Variants in EPHA6 observed in about 807,000 individuals in gnomAD.
The protein encoded by EPHA6 is EPH receptor A6.
A neutral mutation model predicts 112.0 loss-of-function variants in EPHA6; 50 were observed. That is an observed-to-expected ratio of 0.45 (90% CI 0.36 to 0.56). The LOEUF is 0.56. Among genes scored for constraint, EPHA6 ranks in the 20% least tolerant of loss-of-function variants. The probability of loss-of-function intolerance (pLI) is 0.00; values close to 1 mark genes in which losing one functional copy is unlikely to be tolerated. For missense variants in EPHA6, 1,280 were observed against 1,417.4 expected, an observed-to-expected ratio of 0.90 and a Z score of 1.56; for synonymous variants, 529 against 490.7, an observed-to-expected ratio of 1.08 and a Z score of -1.03.
intron 12 of EPHA6, among the ~76,000 whole-genome samples, chr3:97,605,439 G>A (rs2093673700): frequency 6.6e-6 from 1 of 151,644 alleles, no homozygotes; most frequent in Non-Finnish European, 1.5e-5. Flanking sequence ...ATGGTGAAAA[G>A]TAGGAGTCCA....
At chr3:96,887,497 G>T (rs992356804) in intron 2 of EPHA6, among the ~76,000 whole-genome samples, 1 of 152,184 alleles carries the variant, frequency 6.6e-6, no homozygotes, top group Non-Finnish European at 1.5e-5. Context: ...TGGCCAGGGA[G>T]CAGGGGTGCA....
chr3:97,405,333 T>C, intron 6 of EPHA6, 59 bp downstream of exon 6: 1 of 1,436,244 alleles, frequency 7.0e-7, no homozygotes, highest in East Asian at 2.4e-5. Context: ...TATGTATATA[T>C]TGAGCATGTC....
At chr3:97,542,464 T>A (rs1408527967) in intron 11 of EPHA6, among the ~76,000 whole-genome samples, 5 of 152,224 alleles carry the variant, frequency 3.3e-5, no homozygotes, top group African/African-American at 1.2e-4. Flanking sequence ...ATGGTGTATA[T>A]GTGCCACATT....
intron 3 of EPHA6, among the ~76,000 whole-genome samples, chr3:97,178,256 T>A (rs1184597160): frequency 6.6e-6 from 1 of 152,108 alleles, no homozygotes; most frequent in East Asian, 1.9e-4. Context: ...TTTATCACAC[T>A]GCTTTTTAAT....
intron 15 of EPHA6, among the ~76,000 whole-genome samples, chr3:97,729,175 CT>C (rs1353120855): frequency 6.6e-6 from 1 of 151,916 alleles, no homozygotes; most frequent in African/African-American, 2.4e-5. Context: ...ACTGTAACGC[CT>C]TTTTTCTATA....
At chr3:97,375,649 T>A (rs1370311899) in intron 5 of EPHA6, among the ~76,000 whole-genome samples, 1 of 152,116 alleles carries the variant, frequency 6.6e-6, no homozygotes, top group Non-Finnish European at 1.5e-5. Context: ...AATGTATATA[T>A]CATGTAAATA....
At chr3:96,956,948 G>A (rs373749778) in intron 2 of EPHA6, among the ~76,000 whole-genome samples, 11 of 151,498 alleles carry the variant, frequency 7.3e-5, no homozygotes, top group South Asian at 4.2e-4. Flanking sequence ...CAGGAGAATC[G>A]CTTGAACCCA....
intron 4 of EPHA6, among the ~76,000 whole-genome samples, chr3:97,242,387 C>T (rs975384786): frequency 2.6e-5 from 4 of 151,810 alleles, no homozygotes; most frequent in African/African-American, 9.7e-5. Flanking sequence ...TTTTCCCACC[C>T]CTCTGCATAT....
intron 4 of EPHA6, among the ~76,000 whole-genome samples, chr3:97,229,004 C>T (rs1002280710): frequency 6.6e-6 from 1 of 152,064 alleles, no homozygotes; most frequent in Non-Finnish European, 1.5e-5. Flanking sequence ...TGTCTGTTGG[C>T]AGTTTGTGTA....
rs1277153393 is a variant in EPHA6, at chr3:97,448,646, A to C, written c.1810A>C (p.Lys604Gln). 2 of 1,613,590 alleles carry C rather than the reference A, an allele frequency of 1.2e-6. No individual in the cohort carries two copies. The highest frequency in any genetic ancestry group is 2.2e-5 in the South Asian group (2 of 91,084). The stretch of plus-strand genomic sequence containing the variant: ...CATCACAGGTCTTAAGCCAGCCACC[A>C]AATATGTATTTCACATCCGAGTGAG... The part of the protein sequence containing the change: ...VIITGLKPAT[K>Q]YVFHIRVRTA... Residue 604 changes from lysine (K) to glutamine (Q), a missense_variant, in exon 7 of 18, where the codon AAA (lysine) becomes CAA (glutamine). Physicochemically the swap from Lys to Gln is moderately conservative, Grantham distance 53. Around this residue, in one of 4 missense-constraint regions of EPHA6, gnomAD observed 878 missense variants for 999.7 expected, o/e 0.88. Transcript: ENST00000389672.
chr3:97,650,699 C>G (rs1047874956), intron 14 of EPHA6, among the ~76,000 whole-genome samples: 2 of 151,468 alleles, frequency 1.3e-5, no homozygotes, highest in African/African-American at 2.4e-5. Context: ...ATGTAATAAG[C>G]CTTTTGTCTC....
chr3:97,012,948 A>G (rs1051900187), intron 3 of EPHA6, among the ~76,000 whole-genome samples: 1 of 152,030 alleles, frequency 6.6e-6, no homozygotes, highest in South Asian at 2.1e-4. Context: ...TTATTTATTT[A>G]TTTACACTTG....
chr3:97,091,142 C>T (rs529786384), intron 3 of EPHA6, among the ~76,000 whole-genome samples: 3 of 152,208 alleles, frequency 2.0e-5, no homozygotes, highest in South Asian at 2.1e-4. Context: ...AAGAAAATTA[C>T]GTTATGTGAT....
chr3:97,369,643 G>A (rs1235409145), intron 5 of EPHA6, among the ~76,000 whole-genome samples: 1 of 152,078 alleles, frequency 6.6e-6, no homozygotes, highest in Non-Finnish European at 1.5e-5. Context: ...TTGCTCACGG[G>A]ACTTCCCTTC....
chr3:97,229,955 T>C lies in EPHA6; in HGVS notation c.1270+3536T>C, dbSNP rs185036549. 5.2e-4 allele frequency among the ~76,000 whole-genome samples: 79 copies of C among 152,230 alleles called. 1 individual carries two copies. The East Asian group carries it at 9.8e-3, about 19-fold the overall frequency. ...ACTTCTTAATATAATTTCTCACTTA[T>C]GGAAAAAAGTTTTTAGCAGACAAAT... On this transcript the variant is annotated intron_variant, in intron 4 of 17. Coordinates refer to ENST00000389672, the MANE Select transcript of EPHA6 (RefSeq NM_001080448.3).
chr3:97,079,773 G>A (rs186535372), intron 3 of EPHA6, among the ~76,000 whole-genome samples: 331 of 152,078 alleles, frequency 2.2e-3, no homozygotes, highest in Non-Finnish European at 3.4e-3. Flanking sequence ...CTTATTTTAA[G>A]AAATTACCAC....
At chr3:97,747,245 GATAA>G (rs1301720818) in intron 16 of EPHA6, among the ~76,000 whole-genome samples, 174 bp from the exon 17 acceptor site, 5 of 151,970 alleles carry the variant, frequency 3.3e-5, no homozygotes, top group African/African-American at 4.8e-5. Flanking sequence ...TCACTGATTT[GATAA>G]ATAATTTTTT....
intron 5 of EPHA6, among the ~76,000 whole-genome samples, chr3:97,331,303 T>C (rs1392336396): frequency 1.3e-5 from 2 of 151,972 alleles, no homozygotes; most frequent in Non-Finnish European, 2.9e-5. Flanking sequence ...GCAGGAAAGA[T>C]CTGAAATTGA....
At chr3:97,636,348 T>C (rs538045298) in intron 13 of EPHA6, among the ~76,000 whole-genome samples, 2 of 152,238 alleles carry the variant, frequency 1.3e-5, no homozygotes, top group South Asian at 4.1e-4. Context: ...GTGTACATGA[T>C]AGAAGAGGCA....
Sources: gnomAD v4.1 joint callset for allele counts (sites outside exome capture counted in the v4.1 genomes callset) on GRCh38, gnomAD v4.1.1 for gene constraint, gnomAD v4.1.1 regional missense constraint, MANE v1.5 for transcripts, NCBI Gene and HGNC (gene_info 2026-07-23, HGNC 2026-07-21) for gene names.